The following NOM1 variants were observed in gnomAD, a reference collection of about 807,000 sequenced individuals.
NOM1 encodes the protein nucleolar MIF4G domain-containing protein 1.
Under a neutral mutation model 73.3 loss-of-function variants are expected in NOM1, and 58 were observed. The ratio of observed to expected loss-of-function variants is 0.79; its 90% confidence interval spans 0.64 to 0.99. NOM1 has a LOEUF of 0.99. NOM1 is among the 50% of genes least tolerant of loss of function. The pLI is 0.00. For synonymous variants in NOM1, 487 were observed against 446.8 expected, an observed-to-expected ratio of 1.09 and a Z score of -1.14; for missense variants, 1,226 against 1,131.9, an observed-to-expected ratio of 1.08 and a Z score of -1.19.
intron 1 of NOM1, among the ~76,000 whole-genome samples, chr7:156,951,226 C>T (rs972572942): frequency 4.6e-5 from 7 of 152,078 alleles, no homozygotes; most frequent in South Asian, 2.1e-4. Flanking sequence ...GGTGAAACCC[C>T]GTCATTACTA....
chr7:156,953,480 A>G (rs557436118), intron 2 of NOM1, among the ~76,000 whole-genome samples: 1 of 152,284 alleles, frequency 6.6e-6, no homozygotes, highest in African/African-American at 2.4e-5. Context: ...TGCAATTGAG[A>G]TAAAACTCAC....
chr7:156,963,556 C>G (rs925737252), intron 6 of NOM1: 5 of 379,636 alleles, frequency 1.3e-5, no homozygotes, highest in African/African-American at 1.0e-4. Flanking sequence ...ATCCAGACTT[C>G]CCTCGTTATC....
rs775014298 is a variant in NOM1, at chr7:156,950,514, T to A, written c.777T>A (p.Ser259Arg). 6.2e-7 allele frequency: 1 copy of A among 1,610,290 alleles called. No individual in the cohort carries two copies. The highest frequency in any genetic ancestry group is 1.1e-5 in the South Asian group (1 of 90,902). Residue 259 changes from serine to arginine, a missense_variant, in exon 1 of 11, where the codon AGT becomes AGA. Coordinates refer to ENST00000275820, the MANE Select transcript of NOM1 (RefSeq NM_138400.2). ...SDLESDSQDE[S>R]EEEEEGDVEK... ...TAGAGAGTGACTCCCAGGACGAAAG[T>A]GAGGAGGAGGAGGAGGGAGACGTAG...
rs569778763 is a variant in NOM1, at chr7:156,966,828, A to G, written c.2167-133A>G. 3.1e-6 allele frequency: 3 copies of G among 958,782 alleles called. No individual in the cohort carries two copies. The Admixed American group carries it at 8.7e-5, about 28-fold the overall frequency. 59.4% of individuals were successfully genotyped at this position (958,782 alleles called of 1,614,324 possible). A position where few individuals can be genotyped will look rare whatever the true frequency, so the allele number is the denominator to read the frequency against. ...CTCTATAGGCAAGAACAGTGAGGCC[A>G]CCACTAAAAGTCTTGATGTTTAGAA... On this transcript the variant is annotated intron_variant, in intron 8 of 10. Transcript: ENST00000275820.
rs1398259433 is a variant in NOM1 at position 156,970,750 on chromosome 7, C to G, written c.*1047C>G. 2.6e-5 allele frequency: 4 copies of G among 152,216 alleles called. No individual in the cohort carries two copies. The highest frequency in any genetic ancestry group is 9.7e-5 in the African/African-American group (4 of 41,440). 9.4% of individuals were successfully genotyped at this position (152,216 alleles called of 1,614,324 possible). ...TTTTAAGTATTTAGGTTGCAATTAA[C>G]TTTGGCAAAGTCAGTCGACATAAGC... On this transcript the variant is annotated 3_prime_UTR_variant, in exon 11 of 11. Transcript: ENST00000275820.
rs1472442133 is a variant in NOM1 at position 156,949,787 on chromosome 7, G to A, written c.50G>A (p.Gly17Glu). Reference sequence around the variant, plus strand: ...GAGGCCGGCCCGGGCGGCTCCCAGGGACGCGTGGTCCGCATGAAGCGCAGA... The same window carrying A: ...GAGGCCGGCCCGGGCGGCTCCCAGGAACGCGTGGTCCGCATGAAGCGCAGA... ...AGEAGPGGSQ[G>E]RVVRMKRRGG... The change falls in exon 1 of 11, where the codon GGA becomes GAA. Residue 17 changes from glycine (G) to glutamate (E), a missense_variant. Coordinates refer to ENST00000275820, the MANE Select transcript of NOM1 (RefSeq NM_138400.2). 3.5e-6 allele frequency: 5 copies of A among 1,412,388 alleles called. No homozygotes were observed. Among genetic ancestry groups the A allele is most frequent in the Non-Finnish European group, 4.6e-6 (5 of 1,088,152 alleles). The allele number at this position is 1,412,388 out of a possible 1,614,324, so 87.5% of individuals were successfully genotyped here. A position where few individuals can be genotyped will look rare whatever the true frequency, so the allele number is the denominator to read the frequency against.
In NOM1 at chr7:156,960,015, T is replaced by C. The variant is rs1051959802; in HGVS notation, c.1473T>C (p.Ile491=). 13 of 1,614,142 alleles carry C rather than the reference T, an allele frequency of 8.1e-6. No homozygotes were observed. The highest frequency in any genetic ancestry group is 9.3e-6 in the Non-Finnish European group (11 of 1,180,028). Residue 491 remains isoleucine, a synonymous_variant, in exon 4 of 11, where the codon ATT becomes ATC. Coordinates refer to ENST00000275820, the MANE Select transcript of NOM1 (RefSeq NM_138400.2). ...TCTTCGACATTTTGAAAAAACTGAT[T>C]GGAACTTTCACCGAAAAAGATATTG... is the stretch of plus-strand genomic sequence containing the variant. ...LLIFDILKKL[I]GTFTEKDIEL...
At position 156,963,094 on chromosome 7, in the gene NOM1, G is replaced by T. The variant is rs749808765; in HGVS notation, c.1830G>T (p.Trp610Cys). ...GTGCGGAGCAGACGGGTCGCTGGTG[G>T]ATTGTGGGGTCCGCCTGGAGTGGGG... ...VLSAEQTGRW[W>C]IVGSAWSGAP... is the part of the protein sequence containing the mutation. Residue 610 changes from tryptophan (W) to cysteine (C), a missense_variant, in exon 6 of 11, where the codon TGG (tryptophan) becomes TGT (cysteine). By Grantham distance (215) the Trp-to-Cys change is radical. Coordinates refer to ENST00000275820, the MANE Select transcript of NOM1 (RefSeq NM_138400.2). 7.4e-6 allele frequency: 12 copies of T among 1,614,106 alleles called. No individual in the cohort carries two copies. Among genetic ancestry groups the T allele is most frequent in the Non-Finnish European group, 9.3e-6 (11 of 1,180,040 alleles).
chr7:156,960,235 C>G, intron 4 of NOM1, 61 bp downstream of exon 4: 1 of 1,372,876 alleles, frequency 7.3e-7, no homozygotes, highest in Non-Finnish European at 1.0e-6. Context: ...TGGCCAGAAC[C>G]TAAAAATCAG....
rs1162572035 is a variant in NOM1, at chr7:156,952,587, T to C, written c.1101T>C (p.Gly367=). 1.9e-6 allele frequency: 3 copies of C among 1,613,288 alleles called. No individual in the cohort carries two copies. In the African/African-American group the frequency reaches 4.0e-5, roughly 22 times the overall value. Residue 367 remains glycine (G), a synonymous_variant, in exon 2 of 11, where the codon GGT becomes GGC. Coordinates refer to ENST00000275820, the MANE Select transcript of NOM1 (RefSeq NM_138400.2). ...AAAGGCTGAAGAAACATGTAAAAGG[T>C]CTACTTAACAGGTGACCTTGTAGTG... ...ELERLKKHVK[G]LLNRLSEPNM...
In NOM1 at chr7:156,954,203, A is replaced by G. The variant is rs1186540371; in HGVS notation, c.1213A>G (p.Met405Val). 15 of 1,613,772 alleles carry G rather than the reference A, an allele frequency of 9.3e-6. No homozygotes were observed. Among genetic ancestry groups the G allele is most frequent in the Non-Finnish European group, 1.3e-5 (15 of 1,179,930 alleles). ...GAATGACACCCTGACCTCCGCTCTC[A>G]TGGGTGCCTGCGTCACTGCCTCGGC... ...DMNDTLTSAL[M>V]GACVTASAMP... The change falls in exon 3 of 11, where the codon ATG becomes GTG. Residue 405 changes from methionine (M) to valine (V), a missense_variant. By Grantham distance (21) the Met-to-Val change is conservative. Coordinates refer to ENST00000275820, the MANE Select transcript of NOM1 (RefSeq NM_138400.2).
chr7:156,953,663 C>T (rs1300348092), intron 2 of NOM1, among the ~76,000 whole-genome samples: 1 of 152,118 alleles, frequency 6.6e-6, no homozygotes, highest in African/African-American at 2.4e-5. Context: ...TGTGTAGTGT[C>T]CCCACTACCC....
At chr7:156,950,985 T>C (rs537123761) in intron 1 of NOM1, among the ~76,000 whole-genome samples, 1 of 152,352 alleles carries the variant, frequency 6.6e-6, no homozygotes, top group South Asian at 2.1e-4. Context: ...GCATCTTCAT[T>C]CTGTGTTTAC....
chr7:156,958,591 C>G (rs1005027701), intron 3 of NOM1: 1 of 152,258 alleles, frequency 6.6e-6, no homozygotes, highest in African/African-American at 2.4e-5. Context: ...GTTTTATTAT[C>G]TCTCTTTTAC....
In NOM1 at chr7:156,970,267, G is replaced by A. The variant is rs1377172939; in HGVS notation, c.*564G>A. ...TGTACTCCAGCCTGGGCTGGACAGTGAGACTTTTGACAGTGAGACTGTCAA... is the reference window on the plus strand; with the variant it reads ...TGTACTCCAGCCTGGGCTGGACAGTAAGACTTTTGACAGTGAGACTGTCAA... On this transcript the variant is annotated 3_prime_UTR_variant, in exon 11 of 11. Coordinates refer to ENST00000275820, the MANE Select transcript of NOM1 (RefSeq NM_138400.2). 3.3e-5 allele frequency: 3 copies of A among 90,764 alleles called. No homozygotes were observed. The highest frequency in any genetic ancestry group is 1.2e-4 in the African/African-American group (3 of 24,290). The allele number at this position is 90,764 out of a possible 1,614,324, so 5.6% of individuals were successfully genotyped here. A position where few individuals can be genotyped will look rare whatever the true frequency, so the allele number is the denominator to read the frequency against.
In NOM1 at chr7:156,969,717, G is replaced by A. The variant is rs201754070; in HGVS notation, c.*14G>A. On this transcript the variant is annotated 3_prime_UTR_variant, in exon 11 of 11. Transcript: ENST00000275820. ...CTGAGAATGTAGTCAGGGAAGGAAG[G>A]AGGGCAGGTGGCCCTTTGACTGTAA... 1.3e-6 allele frequency: 2 copies of A among 1,595,004 alleles called. No individual in the cohort carries two copies. The highest frequency in any genetic ancestry group is 1.3e-5 in the African/African-American group (1 of 74,610).
intron 7 of NOM1, among the ~76,000 whole-genome samples, chr7:156,964,492 C>T (rs988315983): frequency 2.6e-5 from 4 of 151,946 alleles, no homozygotes; most frequent in Non-Finnish European, 4.4e-5. Flanking sequence ...CCTGTAATCC[C>T]AGCTACTTAG....
At position 156,960,067 on chromosome 7, in the gene NOM1, G is replaced by T; in HGVS notation, c.1525G>T (p.Val509Leu). 1.2e-6 allele frequency: 2 copies of T among 1,613,988 alleles called. No homozygotes were observed. The highest frequency in any genetic ancestry group is 1.7e-6 in the Non-Finnish European group (2 of 1,179,908). ...IELILLMLKNVGFSLRKDDAL... is the reference protein window; with the variant it reads ...IELILLMLKNLGFSLRKDDAL... Reference sequence around the variant, plus strand: ...ACTGATCTTGTTAATGCTGAAAAACGTGGGTTTTTCATTGAGGAAAGATGA... The same window carrying T: ...ACTGATCTTGTTAATGCTGAAAAACTTGGGTTTTTCATTGAGGAAAGATGA... Residue 509 changes from valine to leucine, a missense_variant, in exon 4 of 11, where the codon GTG becomes TTG. Physicochemically the swap from Val to Leu is conservative, Grantham distance 32. Coordinates refer to ENST00000275820, the MANE Select transcript of NOM1 (RefSeq NM_138400.2).
chr7:156,967,413 C>T (rs1805025004), intron 9 of NOM1, among the ~76,000 whole-genome samples: 1 of 152,208 alleles, frequency 6.6e-6, no homozygotes, highest in Non-Finnish European at 1.5e-5. Flanking sequence ...GAAGTAGGGC[C>T]TGGTCTCCTT....
Sources: allele counts gnomAD v4.1 joint callset (sites outside exome capture counted in the v4.1 genomes callset), GRCh38; gene constraint gnomAD v4.1.1; transcripts MANE v1.5; gene names NCBI Gene and HGNC (gene_info 2026-07-23, HGNC 2026-07-21).